The following SMYD3 variants were observed in gnomAD, a reference collection of about 807,000 sequenced individuals.
The protein encoded by SMYD3 is histone-lysine N-methyltransferase SMYD3.
SMYD3 carries 36 observed loss-of-function variants against 57.7 expected under a neutral mutation model. That is an observed-to-expected ratio of 0.62 (90% CI 0.48 to 0.82). SMYD3 has a LOEUF of 0.82. SMYD3 is among the 40% of genes least tolerant of loss of function. The pLI is 0.00. For synonymous variants in SMYD3, 211 were observed against 195.0 expected (o/e 1.08, Z -0.68); for missense variants, 515 against 538.8 (o/e 0.96, Z 0.44).
intron 1 of SMYD3, among the ~76,000 whole-genome samples, chr1:246,416,483 C>T (rs974870459): frequency 5.4e-5 from 8 of 148,912 alleles, no homozygotes; most frequent in African/African-American, 2.0e-4. Context: ...GCCAGAATAA[C>T]TTGCAAGAAA....
At chr1:246,448,857 T>C (rs1383040173) in intron 1 of SMYD3, among the ~76,000 whole-genome samples, 4 of 152,080 alleles carry the variant, frequency 2.6e-5, no homozygotes, top group African/African-American at 4.8e-5. Flanking sequence ...GCTATGCTTT[T>C]AGTTGGCTCA....
intron 10 of SMYD3, among the ~76,000 whole-genome samples, chr1:245,802,026 T>A (rs912489431): frequency 2.0e-5 from 3 of 152,196 alleles, no homozygotes; most frequent in African/African-American, 7.2e-5. Context: ...GTCCTACTGA[T>A]TAAAGGAAGG....
chr1:245,766,349 G>C (rs1056481939), intron 10 of SMYD3, among the ~76,000 whole-genome samples: 3 of 146,718 alleles, frequency 2.0e-5, no homozygotes, highest in Non-Finnish European at 3.0e-5. Flanking sequence ...GCAGTGAGCC[G>C]AGATTGCAGC....
intron 5 of SMYD3, among the ~76,000 whole-genome samples, chr1:246,238,726 T>C (rs761232153): frequency 6.6e-6 from 1 of 152,156 alleles, no homozygotes; most frequent in Non-Finnish European, 1.5e-5. Context: ...TACCATTTCA[T>C]TGCAGAAACT....
chr1:246,438,542 C>CCAG (rs2067415346), intron 1 of SMYD3, among the ~76,000 whole-genome samples: 1 of 152,052 alleles, frequency 6.6e-6, no homozygotes, highest in South Asian at 2.1e-4. Flanking sequence ...TCCCTGGCCC[C>CCAG]CAGCACGGAT....
intron 5 of SMYD3, chr1:246,026,091 A>C (rs1161127514): frequency 6.6e-6 from 1 of 152,246 alleles, no homozygotes; most frequent in Non-Finnish European, 1.5e-5. Context: ...GCAGTGAGCC[A>C]AGATCGTGCC....
intron 10 of SMYD3, among the ~76,000 whole-genome samples, chr1:245,775,731 TA>T (rs68076065): frequency 7.6e-4 from 105 of 137,802 alleles, no homozygotes; most frequent in African/African-American, 2.2e-3. Flanking sequence ...AAAAAAAAAA[TA>T]AAAAAAATAA....
At chr1:245,816,349 G>A (rs1391530094) in intron 10 of SMYD3, among the ~76,000 whole-genome samples, 1 of 151,910 alleles carries the variant, frequency 6.6e-6, no homozygotes. Flanking sequence ...AAGGAGTGGG[G>A]CTTGCACTAC....
intron 10 of SMYD3, among the ~76,000 whole-genome samples, chr1:245,816,975 C>G (rs531692307): frequency 1.3e-5 from 2 of 151,190 alleles, no homozygotes; most frequent in Admixed American, 6.6e-5. Flanking sequence ...GGGGGAGGGG[C>G]GCCCGCCATT....
intron 5 of SMYD3, among the ~76,000 whole-genome samples, chr1:246,211,248 G>A (rs2063081898): frequency 6.6e-6 from 1 of 152,076 alleles, no homozygotes; most frequent in Admixed American, 6.5e-5. Context: ...GACTTTATTT[G>A]CTATACCGTT....
At chr1:246,295,678 A>G (rs925007468) in intron 5 of SMYD3, among the ~76,000 whole-genome samples, 3 of 152,212 alleles carry the variant, frequency 2.0e-5, no homozygotes, top group African/African-American at 7.2e-5. Context: ...TTTAGGCAAT[A>G]TGACAGGATT....
intron 5 of SMYD3, 174 bp downstream of exon 5, chr1:246,327,027 C>A: frequency 1.4e-6 from 1 of 707,600 alleles, no homozygotes. Context: ...TCATACCCTT[C>A]TCAATGCACA....
At chr1:246,029,384 T>C (rs1362123139) in intron 5 of SMYD3, among the ~76,000 whole-genome samples, 1 of 151,418 alleles carries the variant, frequency 6.6e-6, no homozygotes, top group African/African-American at 2.4e-5. Context: ...CAAAAGAAAA[T>C]ATGCAGGCCA....
chr1:246,175,146 C>T (rs564987487), intron 5 of SMYD3, among the ~76,000 whole-genome samples: 13 of 152,248 alleles, frequency 8.5e-5, no homozygotes, highest in Admixed American at 2.6e-4. Flanking sequence ...ATGTAGAAAA[C>T]GCACTGGTGA....
chr1:246,438,249 A>G (rs1362378922), intron 1 of SMYD3, among the ~76,000 whole-genome samples: 1 of 152,256 alleles, frequency 6.6e-6, no homozygotes, highest in Non-Finnish European at 1.5e-5. Context: ...CCTTTTGCCA[A>G]AATATAAATG....
chr1:245,833,344 A>G (rs184844706), intron 10 of SMYD3, among the ~76,000 whole-genome samples: 29 of 152,314 alleles, frequency 1.9e-4, no homozygotes, highest in Non-Finnish European at 2.9e-4. Flanking sequence ...TCTGACAACA[A>G]TGCATTCAGT....
At chr1:246,304,687 T>A (rs2064950504) in intron 5 of SMYD3, among the ~76,000 whole-genome samples, 2 of 152,172 alleles carry the variant, frequency 1.3e-5, no homozygotes, top group African/African-American at 4.8e-5. Context: ...ACAGTCACCA[T>A]TATCTTTAAA....
At chr1:246,131,794 T>C (rs1460512990) in intron 5 of SMYD3, among the ~76,000 whole-genome samples, 1 of 152,310 alleles carries the variant, frequency 6.6e-6, no homozygotes, top group East Asian at 1.9e-4. Context: ...GATGAACACA[T>C]ATGAAGACAA....
intron 5 of SMYD3, among the ~76,000 whole-genome samples, chr1:246,094,672 T>G (rs1463450776): frequency 1.3e-5 from 2 of 152,178 alleles, no homozygotes; most frequent in Admixed American, 6.5e-5. Flanking sequence ...CCACTGCTTT[T>G]TCTATAGCAA....
Sources: allele counts gnomAD v4.1 joint callset (sites outside exome capture counted in the v4.1 genomes callset), GRCh38; gene constraint gnomAD v4.1.1; transcripts MANE v1.5; gene names NCBI Gene and HGNC (gene_info 2026-07-23, HGNC 2026-07-21).